Variants in PCDH15 observed in about 807,000 individuals in gnomAD.
The protein encoded by PCDH15 is protocadherin related 15.
PCDH15 carries 129 observed loss-of-function variants against 178.5 expected under a neutral mutation model. That is an observed-to-expected ratio of 0.72 (90% CI 0.63 to 0.84). PCDH15 has a LOEUF of 0.84. Among genes scored for constraint, PCDH15 ranks in the 40% least tolerant of loss-of-function variants. The pLI, the probability that PCDH15 is intolerant of heterozygous loss-of-function variation, is 0.00. For missense variants in PCDH15, 2,230 were observed against 2,099.9 expected (o/e 1.06, Z -1.21); for synonymous variants, 800 against 732.0 (o/e 1.09, Z -1.50).
intron 3 of PCDH15, among the ~76,000 whole-genome samples, chr10:54,497,426 C>T (rs1266028559): frequency 2.0e-5 from 3 of 152,192 alleles, no homozygotes; most frequent in Admixed American, 1.3e-4. Context: ...CACTAACTCC[C>T]CAGCAATGGT....
At chr10:54,175,241 C>G (rs2047327520) in intron 13 of PCDH15, among the ~76,000 whole-genome samples, 1 of 152,036 alleles carries the variant, frequency 6.6e-6, no homozygotes, top group Admixed American at 6.6e-5. Context: ...CGTCTATGGC[C>G]ATACCACTCT....
At chr10:54,195,439 C>A (rs2133921174) in intron 11 of PCDH15, among the ~76,000 whole-genome samples, 1 of 152,126 alleles carries the variant, frequency 6.6e-6, no homozygotes, top group East Asian at 1.9e-4. Context: ...AAATAAACAT[C>A]AAGTAAAACA....
intron 2 of PCDH15, among the ~76,000 whole-genome samples, chr10:54,962,906 C>A (rs749281404): frequency 6.6e-6 from 1 of 152,140 alleles, no homozygotes; most frequent in Non-Finnish European, 1.5e-5. Flanking sequence ...AGGTTTCTGG[C>A]TAGTGAAGCA....
chr10:53,975,413 GT>G (rs575068423), intron 21 of PCDH15, among the ~76,000 whole-genome samples: 69 of 151,844 alleles, frequency 4.5e-4, no homozygotes, highest in Admixed American at 1.4e-3. Flanking sequence ...ATGAATAAGT[GT>G]TTTTTTTCCC....
At chr10:54,250,486 C>T (rs148593466) in intron 8 of PCDH15, among the ~76,000 whole-genome samples, 6,599 of 151,178 alleles carry the variant, frequency 0.044, 365 homozygotes, top group African/African-American at 0.13. Context: ...GGTTTCATCA[C>T]TTTAGCCAGG....
chr10:54,195,979 C>G (rs1027078483), intron 10 of PCDH15, 90 bp from the exon 11 acceptor site: 2 of 1,123,764 alleles, frequency 1.8e-6, no homozygotes, highest in Middle Eastern at 5.1e-4. Context: ...ATAGGGTTCT[C>G]TTTTTAACTA....
chr10:55,237,430 T>C (rs1841412289), intron 1 of PCDH15, among the ~76,000 whole-genome samples: 2 of 152,180 alleles, frequency 1.3e-5, no homozygotes, highest in Non-Finnish European at 2.9e-5. Flanking sequence ...ATTCTAGAAT[T>C]TGAAGTATCT....
intron 3 of PCDH15, among the ~76,000 whole-genome samples, chr10:54,889,888 A>T (rs905591608): frequency 2.0e-5 from 3 of 151,934 alleles, no homozygotes; most frequent in African/African-American, 7.2e-5. Flanking sequence ...GTACTTCCTT[A>T]CCAAATATCA....
At chr10:55,184,255 T>C (rs139231974) in intron 1 of PCDH15, among the ~76,000 whole-genome samples, 4 of 151,984 alleles carry the variant, frequency 2.6e-5, no homozygotes, top group South Asian at 2.1e-4. Context: ...ACAATTATAG[T>C]TTTGGTGCAT....
chr10:55,223,560 T>G (rs1422271739), intron 1 of PCDH15, among the ~76,000 whole-genome samples: 1 of 152,170 alleles, frequency 6.6e-6, no homozygotes, highest in Non-Finnish European at 1.5e-5. Flanking sequence ...ATCAACTCAT[T>G]TGGCAACTTG....
chr10:55,342,958 A>T (rs980771516), intron 2 of PCDH15, among the ~76,000 whole-genome samples: 2 of 152,062 alleles, frequency 1.3e-5, no homozygotes, highest in Admixed American at 6.6e-5. Flanking sequence ...CTCATAACCA[A>T]ATTTCCTATA....
intron 32 of PCDH15, among the ~76,000 whole-genome samples, chr10:53,823,956 AGAG>A (rs1468088436): frequency 1.3e-5 from 2 of 152,196 alleles, no homozygotes; most frequent in Non-Finnish European, 2.9e-5. Flanking sequence ...GAATTGTGAC[AGAG>A]GAGTTTTTCT....
chr10:54,928,925 T>A (rs928803490), intron 2 of PCDH15, among the ~76,000 whole-genome samples: 23 of 152,296 alleles, frequency 1.5e-4, no homozygotes, highest in African/African-American at 5.5e-4. Flanking sequence ...ATTCTACTTC[T>A]GCAATTTCAG....
At chr10:55,554,634 A>G (rs1028977739) in intron 2 of PCDH15, among the ~76,000 whole-genome samples, 1 of 152,004 alleles carries the variant, frequency 6.6e-6, no homozygotes, top group Non-Finnish European at 1.5e-5. Context: ...AAATATTCCT[A>G]TATGTTGCTT....
chr10:54,192,130 A>AG lies in PCDH15; in HGVS notation c.1305+3552_1305+3553insC, dbSNP rs1377473900. Among the ~76,000 whole-genome samples, 779 of 124,998 alleles carry AG rather than the reference A, an allele frequency of 6.2e-3. 12 individuals are homozygous for AG. The highest frequency in any genetic ancestry group is 0.028 in the African/African-American group (735 of 26,242). 82.0% of individuals were successfully genotyped at this position (124,998 alleles called of 152,430 possible). On this transcript the variant is annotated intron_variant, in intron 11 of 37. Coordinates refer to ENST00000644397, the MANE Select transcript of PCDH15 (RefSeq NM_001384140.1). ...AAGAAAAAAAAAAAAGAAAGAAAGA[A>AG]AGAGAAAGAGAAAGAAAGAAAGAAA... is the stretch of plus-strand genomic sequence containing the variant.
intron 29 of PCDH15, among the ~76,000 whole-genome samples, chr10:53,839,181 G>A (rs1325768758): frequency 8.5e-6 from 1 of 118,206 alleles, no homozygotes; most frequent in African/African-American, 3.5e-5. Flanking sequence ...CCAGCCTGGG[G>A]CACAGAGTGA....
rs578098433 is a variant in PCDH15, at chr10:54,032,263, C to A, written c.2221-9066G>T. On this transcript the variant is annotated intron_variant, in intron 18 of 37. Coordinates refer to ENST00000644397, the MANE Select transcript of PCDH15 (RefSeq NM_001384140.1). The stretch of plus-strand genomic sequence containing the variant: ...CCCTAGTATCACCTCTCAGAAGCAT[C>A]TGAGTAAGCTAAATGCCTCATCTTC... Among the ~76,000 whole-genome samples the A allele has an allele frequency of 1.8e-4, 28 of 152,080 alleles. No homozygotes were observed. The South Asian group carries it at 5.6e-3, about 30-fold the overall frequency.
At chr10:54,129,421 C>G (rs933660784) in intron 15 of PCDH15, among the ~76,000 whole-genome samples, 1 of 151,940 alleles carries the variant, frequency 6.6e-6, no homozygotes, top group East Asian at 1.9e-4. Context: ...AAAACATTTC[C>G]CTAGATAGAA....
chr10:54,460,309 C>T (rs1417664061), intron 3 of PCDH15, among the ~76,000 whole-genome samples: 1 of 152,096 alleles, frequency 6.6e-6, no homozygotes, highest in East Asian at 1.9e-4. Flanking sequence ...ACAATGCTCA[C>T]ATTTTGCTGT....
Sources: gnomAD v4.1 joint callset for allele counts (sites outside exome capture counted in the v4.1 genomes callset) on GRCh38, gnomAD v4.1.1 for gene constraint, MANE v1.5 for transcripts, NCBI Gene and HGNC (gene_info 2026-07-23, HGNC 2026-07-21) for gene names.